Variants in SAP30BP observed in about 807,000 individuals in gnomAD.
SAP30BP encodes SAP30-binding protein.
SAP30BP carries 31 observed loss-of-function variants against 46.3 expected under a neutral mutation model. The observed-to-expected ratio is 0.67, with a 90% CI of 0.50 to 0.90. The LOEUF (loss-of-function observed/expected upper bound fraction) is 0.90, where lower values mean the gene tolerates loss of function less well. SAP30BP is among the 40% of genes least tolerant of loss of function. The pLI is 0.00. For synonymous variants in SAP30BP, 169 were observed against 144.2 expected (o/e 1.17, Z -1.23); for missense variants, 312 against 391.0 (o/e 0.80, Z 1.70).
intron 3 of SAP30BP, among the ~76,000 whole-genome samples, chr17:75,674,843 A>G (rs1314102691): frequency 6.0e-5 from 9 of 150,858 alleles, no homozygotes; most frequent in African/African-American, 1.9e-4. Context: ...CTGGGACTAC[A>G]GGTGTGTGCA....
chr17:75,706,160 C>T lies in SAP30BP; in HGVS notation c.745+68C>T, dbSNP rs537342904. On this transcript the variant is annotated intron_variant, in intron 10 of 10. Transcript: ENST00000584667. The surrounding 1 kb of genome is among the most constrained non-coding windows in gnomAD (Gnocchi z 4.6). ...CCAGGGTCTCCCTGGCTTGTTTGGG[C>T]GACAGACAGCACGTGGATCTGGGCC... 8.0e-5 allele frequency: 126 copies of T among 1,574,056 alleles called. No individual in the cohort carries two copies. Among genetic ancestry groups the T allele is most frequent in the Middle Eastern group, 3.3e-4 (2 of 6,004 alleles).
intron 9 of SAP30BP, 189 bp downstream of exon 9, chr17:75,705,003 C>CT (rs1296421327): frequency 1.7e-6 from 1 of 588,736 alleles, no homozygotes; most frequent in East Asian, 2.9e-5. Context: ...TCGTCTGCTG[C>CT]TTTTGCCCTC....
chr17:75,684,985 C>T (rs2060135604), intron 3 of SAP30BP, among the ~76,000 whole-genome samples: 1 of 152,162 alleles, frequency 6.6e-6, no homozygotes, highest in Non-Finnish European at 1.5e-5. Flanking sequence ...CCATTATTCT[C>T]CCTCTGACCC....
intron 2 of SAP30BP, among the ~76,000 whole-genome samples, chr17:75,670,551 G>C (rs1010991250): frequency 6.6e-6 from 1 of 152,160 alleles, no homozygotes; most frequent in Non-Finnish European, 1.5e-5. Context: ...ATGTGTTTTT[G>C]AAGTGTTATT....
At chr17:75,703,064 C>A in intron 6 of SAP30BP, 3 of 543,334 alleles carry the variant, frequency 5.5e-6, no homozygotes, top group Admixed American at 3.2e-5. Flanking sequence ...AAGCCCAATC[C>A]AGCTGTGCAG....
Position 75,707,236 on chromosome 17 carries a change from C to G in SAP30BP, c.*715C>G, listed in dbSNP as rs149170453. On this transcript the variant is annotated 3_prime_UTR_variant, in exon 11 of 11. Transcript: ENST00000584667. ...TTTGGTGCCCGGTGAGCGCAGCCAG[C>G]AGGAGCTGAGCAGCGGGGGAGATGA... 0.016 allele frequency: 2,506 copies of G among 152,632 alleles called. 152 individuals are homozygous for G. The highest frequency in any genetic ancestry group is 0.12 in the Admixed American group (1,812 of 15,310). The allele number at this position is 152,632 out of a possible 1,614,324, so 9.5% of individuals were successfully genotyped here.
intron 5 of SAP30BP, chr17:75,700,325 T>G (rs1164846457): frequency 6.6e-6 from 1 of 152,618 alleles, no homozygotes; most frequent in Non-Finnish European, 1.5e-5. Flanking sequence ...TTCAGTAGCT[T>G]CTTCCCTGAC....
intron 2 of SAP30BP, among the ~76,000 whole-genome samples, chr17:75,669,079 CT>C (rs1387713180): frequency 1.8e-3 from 250 of 142,790 alleles, no homozygotes; most frequent in Admixed American, 1.7e-3. Flanking sequence ...TTTTTCTTTT[CT>C]TTTTTTTTTT....
intron 4 of SAP30BP, among the ~76,000 whole-genome samples, chr17:75,694,253 C>A (rs1360635435): frequency 6.6e-6 from 1 of 152,302 alleles, no homozygotes; most frequent in East Asian, 1.9e-4. Flanking sequence ...CCAGGGACCA[C>A]CTGGAAGCGC....
chr17:75,702,928 A>G, intron 6 of SAP30BP: 1 of 309,936 alleles, frequency 3.2e-6, no homozygotes, highest in Non-Finnish European at 6.0e-6. Flanking sequence ...AACTCTAAAA[A>G]GCTGATTTTT....
At chr17:75,702,725 T>C in intron 6 of SAP30BP, 154 bp downstream of exon 6, 1 of 476,646 alleles carries the variant, frequency 2.1e-6, no homozygotes, top group East Asian at 3.3e-5. Flanking sequence ...TGGCGGACTG[T>C]GCTAACCCAG....
chr17:75,690,794 T>G (rs1257575333), intron 3 of SAP30BP: 2 of 456,076 alleles, frequency 4.4e-6, no homozygotes, highest in Non-Finnish European at 8.8e-6. Flanking sequence ...AGGAGGCAGA[T>G]TCCCAGATTG....
chr17:75,689,069 G>T (rs551699782), intron 3 of SAP30BP, among the ~76,000 whole-genome samples: 5 of 152,176 alleles, frequency 3.3e-5, no homozygotes, highest in African/African-American at 9.6e-5. Flanking sequence ...TCCTCCACCA[G>T]CTCAGCGTTT....
chr17:75,670,564 A>G (rs2059893809), intron 2 of SAP30BP, among the ~76,000 whole-genome samples: 1 of 152,178 alleles, frequency 6.6e-6, no homozygotes, highest in Non-Finnish European at 1.5e-5. Flanking sequence ...GTGTTATTTC[A>G]TATTTGCTTT....
chr17:75,690,338 C>T (rs930910300), intron 3 of SAP30BP, among the ~76,000 whole-genome samples: 4 of 152,112 alleles, frequency 2.6e-5, no homozygotes, highest in African/African-American at 9.7e-5. Flanking sequence ...ATAGAGGTCA[C>T]TTTTATTGGA....
rs1237965658 is a variant in SAP30BP, at chr17:75,706,318, C to G, written c.746-22C>G. 1.2e-6 allele frequency: 2 copies of G among 1,608,654 alleles called. No homozygotes were observed. The highest frequency in any genetic ancestry group is 1.7e-6 in the Non-Finnish European group (2 of 1,178,314). The stretch of plus-strand genomic sequence containing the variant: ...CACCGCTCATTGGTGGATCGTGATC[C>G]TGATTTCTGCTTTATCTCCAGATGC... On this transcript the variant is annotated intron_variant, in intron 10 of 10. Transcript: ENST00000584667. The surrounding 1 kb of genome is among the most constrained non-coding windows in gnomAD (Gnocchi z 4.6).
intron 3 of SAP30BP, among the ~76,000 whole-genome samples, chr17:75,689,742 A>G (rs1002073968): frequency 2.0e-5 from 3 of 152,104 alleles, no homozygotes; most frequent in Non-Finnish European, 2.9e-5. Context: ...CGGGGAAGAG[A>G]TGAACAGTGC....
intron 8 of SAP30BP, among the ~76,000 whole-genome samples, chr17:75,704,475 G>A (rs1467941075): frequency 6.6e-6 from 1 of 152,204 alleles, no homozygotes. Flanking sequence ...TCAGTAGGAG[G>A]GTAGTCCCCA....
intron 3 of SAP30BP, among the ~76,000 whole-genome samples, chr17:75,675,657 G>A (rs923365104): frequency 6.6e-6 from 1 of 151,730 alleles, no homozygotes; most frequent in Non-Finnish European, 1.5e-5. Context: ...ACTTGTGCCT[G>A]TAATCCCAGC....
Sources: allele counts gnomAD v4.1 joint callset (sites outside exome capture counted in the v4.1 genomes callset), GRCh38; gene constraint gnomAD v4.1.1; non-coding constraint Gnocchi (gnomAD v3.1); transcripts MANE v1.5; gene names NCBI Gene and HGNC (gene_info 2026-07-23, HGNC 2026-07-21).